The following FGF2 variants were observed in gnomAD, a reference collection of about 807,000 sequenced individuals.
The protein encoded by FGF2 is basic fibroblast growth factor bFGF.
FGF2 carries 13 observed loss-of-function variants against 15.9 expected under a neutral mutation model. The observed-to-expected ratio is 0.82, with a 90% CI of 0.53 to 1.30. FGF2 has a LOEUF of 1.30. Ranked by LOEUF, FGF2 falls within the 50% of genes most tolerant of loss-of-function variation. FGF2 has a pLI of 0.00. For synonymous variants in FGF2, 90 were observed against 78.4 expected (o/e 1.15, Z -0.78); for missense variants, 163 against 196.9 (o/e 0.83, Z 1.03).
intron 1 of FGF2, among the ~76,000 whole-genome samples, chr4:122,858,642 C>T (rs1222838498): frequency 6.6e-6 from 1 of 152,124 alleles, no homozygotes; most frequent in Non-Finnish European, 1.5e-5. Context: ...AGGCAATCTG[C>T]CTGCCTTGTC....
intron 1 of FGF2, among the ~76,000 whole-genome samples, chr4:122,874,310 T>A (rs1726795571): frequency 6.6e-6 from 1 of 152,252 alleles, no homozygotes; most frequent in South Asian, 2.1e-4. Flanking sequence ...AAAAAATACT[T>A]CATACCCTTC....
rs139686023 is a variant in FGF2, at chr4:122,833,179, A to ATGTGTGTG, written c.178+5843_178+5850dup. Among the ~76,000 whole-genome samples, 1,193 of 149,018 alleles carry ATGTGTGTG rather than the reference A, an allele frequency of 8.0e-3. 16 individuals carry two copies. Among genetic ancestry groups the ATGTGTGTG allele is most frequent in the African/African-American group, 0.027 (1,087 of 40,730 alleles). ...ACTCATTTACAGAAATGTATAATGGATGTGTGTGTGTGTGTGTGTGTGTAT... is the reference window on the plus strand; with the variant it reads ...ACTCATTTACAGAAATGTATAATGGATGTGTGTGTGTGTGTGTGTGTGTGTGTGTGTAT... On this transcript the variant is annotated intron_variant, in intron 1 of 2. Coordinates refer to ENST00000644866, the MANE Select transcript of FGF2 (RefSeq NM_001361665.2).
At chr4:122,860,349 G>T (rs932945482) in intron 1 of FGF2, among the ~76,000 whole-genome samples, 36 of 147,926 alleles carry the variant, frequency 2.4e-4, no homozygotes, top group African/African-American at 8.4e-4. Context: ...AACTTTAAAA[G>T]AAACTTTTTA....
chr4:122,855,954 T>A (rs757508194), intron 1 of FGF2, among the ~76,000 whole-genome samples: 8 of 152,150 alleles, frequency 5.3e-5, no homozygotes, highest in Non-Finnish European at 1.2e-4. Context: ...TCTAGTGAAA[T>A]TACTCAGAGA....
intron 1 of FGF2, among the ~76,000 whole-genome samples, chr4:122,835,495 C>T (rs1297921291): frequency 6.6e-6 from 1 of 152,084 alleles, no homozygotes; most frequent in Non-Finnish European, 1.5e-5. Context: ...GACACACTGC[C>T]ATAGCTTCAA....
At chr4:122,869,939 T>C (rs1162143793) in intron 1 of FGF2, among the ~76,000 whole-genome samples, 1 of 152,212 alleles carries the variant, frequency 6.6e-6, no homozygotes, top group Non-Finnish European at 1.5e-5. Flanking sequence ...TGCTTCCAGC[T>C]TTTGCCCATT....
At chr4:122,828,110 T>C (rs1725686415) in intron 1 of FGF2, among the ~76,000 whole-genome samples, 1 of 152,230 alleles carries the variant, frequency 6.6e-6, no homozygotes, top group Admixed American at 6.5e-5. Context: ...GGCTTGAGGA[T>C]GAAATGAGAA....
At chr4:122,862,031 G>C (rs1420664604) in intron 1 of FGF2, among the ~76,000 whole-genome samples, 1 of 152,120 alleles carries the variant, frequency 6.6e-6, no homozygotes, top group East Asian at 1.9e-4. Flanking sequence ...ACAGTATTGA[G>C]CTTTAGTTAT....
chr4:122,897,920 G>A lies in FGF2; in HGVS notation c.*5524G>A. On this transcript the variant is annotated 3_prime_UTR_variant, in exon 3 of 3. Coordinates refer to ENST00000644866, the MANE Select transcript of FGF2 (RefSeq NM_001361665.2). ...CAGGAAATATAAGTGGTTTTGTTTG[G>A]TTAACGTGATACATTCTGTATGAAT... 1 of 482,858 alleles carries A rather than the reference G, an allele frequency of 2.1e-6. No individual in the cohort carries two copies. Among genetic ancestry groups the A allele is most frequent in the East Asian group, 3.6e-5 (1 of 27,654 alleles). The allele number at this position is 482,858 out of a possible 1,614,324, so 29.9% of individuals were successfully genotyped here. A position where few individuals can be genotyped will look rare whatever the true frequency, so the allele number is the denominator to read the frequency against.
At chr4:122,880,745 G>A (rs765363034) in intron 2 of FGF2, among the ~76,000 whole-genome samples, 5 of 152,178 alleles carry the variant, frequency 3.3e-5, no homozygotes, top group Non-Finnish European at 7.4e-5. Context: ...CATGGTGCAA[G>A]CTCTCAGTAG....
At chr4:122,873,852 C>G (rs991521313) in intron 1 of FGF2, among the ~76,000 whole-genome samples, 1 of 152,162 alleles carries the variant, frequency 6.6e-6, no homozygotes, top group Non-Finnish European at 1.5e-5. Context: ...CTTCAAGAAT[C>G]TTACATGTAA....
At chr4:122,872,304 G>T (rs1040707400) in intron 1 of FGF2, among the ~76,000 whole-genome samples, 1 of 151,994 alleles carries the variant, frequency 6.6e-6, no homozygotes, top group African/African-American at 2.4e-5. Context: ...CTGAAATAAG[G>T]CATGCAGACA....
intron 1 of FGF2, among the ~76,000 whole-genome samples, chr4:122,844,765 T>G (rs926716489): frequency 6.6e-6 from 1 of 152,002 alleles, no homozygotes; most frequent in African/African-American, 2.4e-5. Flanking sequence ...GCCTCCTGAA[T>G]AGCTGAGACT....
At chr4:122,868,667 C>T (rs12651208) in intron 1 of FGF2, among the ~76,000 whole-genome samples, 24,021 of 152,154 alleles carry the variant, frequency 0.16, 2,399 homozygotes, top group East Asian at 0.45. Context: ...AATGGTATTT[C>T]TGGTTCTAGA....
At chr4:122,843,160 GC>G (rs1726033939) in intron 1 of FGF2, among the ~76,000 whole-genome samples, 1 of 152,158 alleles carries the variant, frequency 6.6e-6, no homozygotes, top group Non-Finnish European at 1.5e-5. Flanking sequence ...TGAGATCATA[GC>G]AAGGATAGCA....
rs565367814 is a variant in FGF2 at position 122,888,000 on chromosome 4, G to C, written c.283-4211G>C. ...AGGAAAAAAGTTAAATGATGTGTCT[G>C]TTGCATAGTAGGTGCTCAGTAAATA... On this transcript the variant is annotated intron_variant, in intron 2 of 2. Coordinates refer to ENST00000644866, the MANE Select transcript of FGF2 (RefSeq NM_001361665.2). Among the ~76,000 whole-genome samples the C allele has an allele frequency of 2.6e-5, 4 of 152,316 alleles. No individual in the cohort carries two copies. The South Asian group carries it at 6.2e-4, about 24-fold the overall frequency.
intron 1 of FGF2, among the ~76,000 whole-genome samples, chr4:122,853,651 CACT>C (rs1291677676): frequency 5.1e-5 from 6 of 117,660 alleles, no homozygotes; most frequent in South Asian, 4.6e-4. Flanking sequence ...TTGTTCACCA[CACT>C]ACTCCTGCTG....
intron 1 of FGF2, among the ~76,000 whole-genome samples, chr4:122,832,298 C>T (rs971674715): frequency 6.6e-6 from 1 of 152,190 alleles, no homozygotes. Flanking sequence ...ACCCTGTCAC[C>T]TAGGCTGGAG....
At chr4:122,883,631 G>C (rs1223692341) in intron 2 of FGF2, among the ~76,000 whole-genome samples, 2 of 152,114 alleles carry the variant, frequency 1.3e-5, no homozygotes, top group Non-Finnish European at 2.9e-5. Context: ...CAAAATTACA[G>C]ATTTTTAAGA....
Sources: gnomAD v4.1 joint callset for allele counts (sites outside exome capture counted in the v4.1 genomes callset) on GRCh38, gnomAD v4.1.1 for gene constraint, MANE v1.5 for transcripts, NCBI Gene and HGNC (gene_info 2026-07-23, HGNC 2026-07-21) for gene names.